The following MARCHF4 variants were observed in gnomAD, a reference collection of about 807,000 sequenced individuals.
MARCHF4 encodes the protein membrane associated ring-CH-type finger 4.
MARCHF4 carries 14 observed loss-of-function variants against 43.9 expected under a neutral mutation model. The observed-to-expected ratio is 0.32, with a 90% CI of 0.21 to 0.50. MARCHF4 has a LOEUF of 0.50. Among genes scored for constraint, MARCHF4 ranks in the 20% least tolerant of loss-of-function variants. The probability of loss-of-function intolerance (pLI) is 0.98; values close to 1 mark genes in which losing one functional copy is unlikely to be tolerated. For synonymous variants in MARCHF4, 226 were observed against 213.3 expected, an observed-to-expected ratio of 1.06 and a Z score of -0.52; for missense variants, 468 against 536.7, an observed-to-expected ratio of 0.87 and a Z score of 1.27.
intron 1 of MARCHF4, among the ~76,000 whole-genome samples, chr2:216,322,099 G>C (rs1192923507): frequency 6.6e-6 from 1 of 152,126 alleles, no homozygotes; most frequent in Non-Finnish European, 1.5e-5. Context: ...AAGGGGATGT[G>C]TGTGTGTGTG....
chr2:216,259,638 T>C lies in MARCHF4; in HGVS notation c.907A>G (p.Lys303Glu), dbSNP rs1452229243. 5 of 1,614,214 alleles carry C rather than the reference T, an allele frequency of 3.1e-6. No individual in the cohort carries two copies. The highest frequency in any genetic ancestry group is 4.2e-6 in the Non-Finnish European group (5 of 1,180,036). The change falls in exon 4 of 4, where the codon AAA (lysine) becomes GAA (glutamate). Residue 303 changes from lysine (K) to glutamate (E), a missense_variant. Physicochemically the swap from Lys to Glu is moderately conservative, Grantham distance 56. This residue lies in a region of MARCHF4 where 158 missense variants were observed against 251.1 expected (regional missense o/e 0.63). Coordinates refer to ENST00000273067, the MANE Select transcript of MARCHF4 (RefSeq NM_020814.3). ...HEGPSVYRIF[K>E]RWQAVNQQWK... ...TGCTGGTTGACAGCCTGCCACCGTT[T>C]AAAGATGCGGTACACCGAGGGTCCT... is the stretch of plus-strand genomic sequence containing the variant.
At chr2:216,340,816 A>C (rs531188387) in intron 1 of MARCHF4, among the ~76,000 whole-genome samples, 1 of 152,322 alleles carries the variant, frequency 6.6e-6, no homozygotes, top group African/African-American at 2.4e-5. Flanking sequence ...TGGGGGCCAC[A>C]GAATAGAGGC....
chr2:216,262,044 C>A (rs1690750190), intron 3 of MARCHF4, among the ~76,000 whole-genome samples: 1 of 152,190 alleles, frequency 6.6e-6, no homozygotes, highest in South Asian at 2.1e-4. Context: ...ATAGAAATGA[C>A]AGCAAGAAAA....
chr2:216,337,705 C>G (rs911205107), intron 1 of MARCHF4, among the ~76,000 whole-genome samples: 2 of 152,182 alleles, frequency 1.3e-5, no homozygotes, highest in Admixed American at 1.3e-4. Flanking sequence ...ACCTTCACAT[C>G]TCTTTCGTGG....
At chr2:216,304,817 G>A (rs557395810) in intron 1 of MARCHF4, among the ~76,000 whole-genome samples, 7 of 152,182 alleles carry the variant, frequency 4.6e-5, no homozygotes, top group Middle Eastern at 3.4e-3. Context: ...ATCCAGGCAT[G>A]GTGGCATGTG....
intron 1 of MARCHF4, among the ~76,000 whole-genome samples, chr2:216,340,794 T>A (rs375069125): frequency 2.2e-4 from 33 of 151,966 alleles, no homozygotes; most frequent in African/African-American, 7.7e-4. Flanking sequence ...GTATAGTATA[T>A]AAAACAATAT....
At chr2:216,350,622 C>T (rs1256932466) in intron 1 of MARCHF4, among the ~76,000 whole-genome samples, 1 of 152,166 alleles carries the variant, frequency 6.6e-6, no homozygotes, top group Non-Finnish European at 1.5e-5. Context: ...CCTTCTCCCC[C>T]ACCTCTCTGG....
At chr2:216,286,229 G>T (rs1398119439) in intron 1 of MARCHF4, among the ~76,000 whole-genome samples, 1 of 152,160 alleles carries the variant, frequency 6.6e-6, no homozygotes, top group African/African-American at 2.4e-5. Flanking sequence ...ACTTGCTTCT[G>T]GCATTACAAA....
chr2:216,343,233 C>T (rs986844125), intron 1 of MARCHF4, among the ~76,000 whole-genome samples: 5 of 152,154 alleles, frequency 3.3e-5, no homozygotes, highest in African/African-American at 9.7e-5. Context: ...GACTGAGTGG[C>T]TTAAATAACA....
rs1419002211 is a variant in MARCHF4, at chr2:216,370,189, C to T, written c.72G>A (p.Leu24=). 6.2e-7 allele frequency: 1 copy of T among 1,612,746 alleles called. No individual in the cohort carries two copies. The highest frequency in any genetic ancestry group is 8.5e-7 in the Non-Finnish European group (1 of 1,179,678). ...GCAACATCTGGGGGGCTGGGGCACA[C>T]AATCCATAGCAGTACCAGCCGGAGC... is the stretch of plus-strand genomic sequence containing the variant. ...CCCSGWYCYG[L]CAPAPQMLRH... Residue 24 remains leucine (L), a synonymous_variant, in exon 1 of 4, where the codon TTG becomes TTA. Transcript: ENST00000273067.
At position 216,372,008 on chromosome 2, in the gene MARCHF4, A is replaced by C. The variant is rs115743185; in HGVS notation, c.-1748T>G. On this transcript the variant is annotated 5_prime_UTR_variant, in exon 1 of 4. Coordinates refer to ENST00000273067, the MANE Select transcript of MARCHF4 (RefSeq NM_020814.3). ...GCTGAAGGTGGGGAGGGGGGAGCGA[A>C]GCAGTGTGGCCGAGGTGGGAGGCAG... The C allele has an allele frequency of 0.016, 2,448 of 152,648 alleles. 69 individuals are homozygous for C. The highest frequency in any genetic ancestry group is 0.056 in the African/African-American group (2,337 of 41,530). The allele number at this position is 152,648 out of a possible 1,614,324, so 9.5% of individuals were successfully genotyped here.
At chr2:216,320,898 C>A (rs558293379) in intron 1 of MARCHF4, among the ~76,000 whole-genome samples, 6 of 137,686 alleles carry the variant, frequency 4.4e-5, no homozygotes, top group African/African-American at 1.7e-4. Flanking sequence ...TCAGTCTGGT[C>A]TCGAACTCCT....
chr2:216,344,204 C>G (rs534878127), intron 1 of MARCHF4, among the ~76,000 whole-genome samples: 16 of 152,148 alleles, frequency 1.1e-4, no homozygotes, highest in South Asian at 6.2e-4. Flanking sequence ...AAAACAGAAA[C>G]TTCCCAACTT....
intron 1 of MARCHF4, among the ~76,000 whole-genome samples, chr2:216,317,032 C>A (rs565244696): frequency 6.6e-6 from 1 of 152,270 alleles, no homozygotes; most frequent in South Asian, 2.1e-4. Context: ...CACTCTCCAA[C>A]CTTCTCCAAC....
At chr2:216,342,997 A>G (rs1246864218) in intron 1 of MARCHF4, among the ~76,000 whole-genome samples, 1 of 152,174 alleles carries the variant, frequency 6.6e-6, no homozygotes, top group Non-Finnish European at 1.5e-5. Context: ...GCATGGGGAC[A>G]GGAGCATACA....
chr2:216,324,971 T>G (rs1276391973), intron 1 of MARCHF4, among the ~76,000 whole-genome samples: 1 of 151,242 alleles, frequency 6.6e-6, no homozygotes, highest in Non-Finnish European at 1.5e-5. Context: ...CCAGGGCAAT[T>G]AGGCAGGAGA....
At chr2:216,340,837 T>C (rs1383600795) in intron 1 of MARCHF4, among the ~76,000 whole-genome samples, 2 of 152,184 alleles carry the variant, frequency 1.3e-5, no homozygotes, top group South Asian at 2.1e-4. Context: ...TGGCAGGGCC[T>C]TGGATGCTGC....
At chr2:216,292,266 G>A (rs145587582) in intron 1 of MARCHF4, among the ~76,000 whole-genome samples, 2 of 152,362 alleles carry the variant, frequency 1.3e-5, no homozygotes. Context: ...AGGGACAGAG[G>A]TTTTTGGAAG....
At chr2:216,268,670 A>G (rs1318709971) in intron 3 of MARCHF4, among the ~76,000 whole-genome samples, 2 of 152,176 alleles carry the variant, frequency 1.3e-5, no homozygotes, top group Non-Finnish European at 2.9e-5. Context: ...GCAGTGTGAA[A>G]ATGGACTAAT....
Sources: allele counts gnomAD v4.1 joint callset (sites outside exome capture counted in the v4.1 genomes callset), GRCh38; gene constraint gnomAD v4.1.1; regional missense constraint gnomAD v4.1.1; transcripts MANE v1.5; gene names NCBI Gene and HGNC (gene_info 2026-07-23, HGNC 2026-07-21).